The following PTPRN2 variants were observed in gnomAD, a reference collection of about 807,000 sequenced individuals.
PTPRN2 encodes the protein receptor-type tyrosine-protein phosphatase N2.
Under a neutral mutation model 118.8 loss-of-function variants are expected in PTPRN2, and 74 were observed. The observed-to-expected ratio is 0.62, with a 90% CI of 0.52 to 0.76. PTPRN2 has a LOEUF of 0.76. PTPRN2 is among the 30% of genes least tolerant of loss of function. The pLI is 0.00. For missense variants in PTPRN2, 1,481 were observed against 1,394.4 expected (o/e 1.06, Z -0.99); for synonymous variants, 641 against 608.0 (o/e 1.05, Z -0.80).
At chr7:158,070,784 CCG>C (rs1563387959) in intron 11 of PTPRN2, among the ~76,000 whole-genome samples, 12 of 53,662 alleles carry the variant, frequency 2.2e-4, no homozygotes, top group South Asian at 6.4e-4. Context: ...GTGGAGGTGC[CCG>C]TGGTGGTGGA....
intron 12 of PTPRN2, among the ~76,000 whole-genome samples, chr7:157,824,063 A>G (rs146690825): frequency 6.6e-6 from 1 of 152,128 alleles, no homozygotes; most frequent in Non-Finnish European, 1.5e-5. Flanking sequence ...ATCTCAAGTC[A>G]CCTTCGCTCT....
At chr7:158,380,142 C>T (rs1238662325) in intron 2 of PTPRN2, among the ~76,000 whole-genome samples, 3 of 152,132 alleles carry the variant, frequency 2.0e-5, no homozygotes, top group Non-Finnish European at 4.4e-5. Context: ...ATGCCCCTGG[C>T]CTCTCCCAAA....
chr7:158,570,402 G>A lies in PTPRN2; in HGVS notation c.112+17156C>T, dbSNP rs1827950354. 6.6e-6 allele frequency among the ~76,000 whole-genome samples: 1 copy of A among 152,160 alleles called. No homozygotes were observed. The highest frequency in any genetic ancestry group is 2.1e-4 in the South Asian group (1 of 4,828). ...TAAAGGCTGCGTCCAACCAGATGAGGACAGAACCGAGCGCCCTCCAGCACC... is the reference window on the plus strand; with the variant it reads ...TAAAGGCTGCGTCCAACCAGATGAGAACAGAACCGAGCGCCCTCCAGCACC... On this transcript the variant is annotated intron_variant, in intron 1 of 22. Coordinates refer to ENST00000389418, the MANE Select transcript of PTPRN2 (RefSeq NM_002847.5). This position sits in a 1 kb window ranked among gnomAD's most constrained non-coding sequence, Gnocchi z 4.5.
chr7:157,812,788 G>T (rs1481036796), intron 12 of PTPRN2, among the ~76,000 whole-genome samples: 1 of 152,160 alleles, frequency 6.6e-6, no homozygotes, highest in Non-Finnish European at 1.5e-5. Context: ...GGGTAGCTGG[G>T]CTTCACAGAA....
At chr7:158,297,128 G>A (rs1055430826) in intron 3 of PTPRN2, among the ~76,000 whole-genome samples, 9 of 152,194 alleles carry the variant, frequency 5.9e-5, no homozygotes, top group African/African-American at 1.4e-4. Context: ...ATCCAGTCCC[G>A]GAGGGACCAG....
At chr7:158,287,720 G>A (rs1416630471) in intron 3 of PTPRN2, among the ~76,000 whole-genome samples, 1 of 152,056 alleles carries the variant, frequency 6.6e-6, no homozygotes, top group African/African-American at 2.4e-5. Context: ...ATTTATTAAT[G>A]TGTTTTGTGG....
At chr7:158,328,776 A>G (rs1803866134) in intron 2 of PTPRN2, among the ~76,000 whole-genome samples, 1 of 140,548 alleles carries the variant, frequency 7.1e-6, no homozygotes, top group Admixed American at 7.2e-5. Context: ...GCAAGTCACT[A>G]GGAGCGGGGC....
In PTPRN2 at chr7:157,951,741, G is replaced by C. The variant is rs558278442; in HGVS notation, c.1724-53004C>G. On this transcript the variant is annotated intron_variant, in intron 11 of 22. Transcript: ENST00000389418. Reference sequence around the variant, plus strand: ...GTCCCTCCTGCCGGACTGCAACACCGTCTCAGGATCCACCTCCCACCATCT... The same window carrying C: ...GTCCCTCCTGCCGGACTGCAACACCCTCTCAGGATCCACCTCCCACCATCT... Among the ~76,000 whole-genome samples, 5 of 152,328 alleles carry C rather than the reference G, an allele frequency of 3.3e-5. No homozygotes were observed. In the South Asian group the frequency reaches 8.3e-4, roughly 25 times the overall value.
At chr7:157,668,751 C>CA (rs1796262421) in intron 13 of PTPRN2, among the ~76,000 whole-genome samples, 1 of 152,192 alleles carries the variant, frequency 6.6e-6, no homozygotes, top group South Asian at 2.1e-4. Flanking sequence ...GTCAGTTTGA[C>CA]ACTGAGGCTG....
chr7:158,329,213 C>T (rs987934210), intron 2 of PTPRN2, among the ~76,000 whole-genome samples: 4 of 152,142 alleles, frequency 2.6e-5, no homozygotes, highest in African/African-American at 7.2e-5. Context: ...GGAAGCGTGG[C>T]GGGTGGGAGG....
At position 157,954,508 on chromosome 7, in the gene PTPRN2, T is replaced by TGTG. The variant is rs1554499700; in HGVS notation, c.1724-55774_1724-55772dup. On this transcript the variant is annotated intron_variant, in intron 11 of 22. Transcript: ENST00000389418. ...GGTGGTGCCTGTGTACTGTGTGTGG[T>TGTG]GTGTGTGTGTGGTGCACGTGTGCTG... Among the ~76,000 whole-genome samples the TGTG allele has an allele frequency of 1.7e-4, 4 of 23,832 alleles. 1 individual carries two copies. Among genetic ancestry groups the TGTG allele is most frequent in the African/African-American group, 2.9e-4 (2 of 6,836 alleles). The allele number at this position is 23,832 out of a possible 152,430, so 15.6% of individuals were successfully genotyped here. A position where few individuals can be genotyped will look rare whatever the true frequency, so the allele number is the denominator to read the frequency against.
intron 21 of PTPRN2, among the ~76,000 whole-genome samples, chr7:157,553,533 G>A (rs190800434): frequency 6.6e-6 from 1 of 152,292 alleles, no homozygotes; most frequent in East Asian, 1.9e-4. Context: ...ATGACATCGT[G>A]GCTCCCTCTC....
intron 2 of PTPRN2, among the ~76,000 whole-genome samples, chr7:158,453,131 C>T (rs1432161897): frequency 7.4e-6 from 1 of 135,048 alleles, no homozygotes; most frequent in African/African-American, 2.8e-5. Context: ...TTGGCTAACA[C>T]AGCCTGGACA....
chr7:158,549,230 T>G (rs1826486614), intron 1 of PTPRN2, among the ~76,000 whole-genome samples: 1 of 152,172 alleles, frequency 6.6e-6, no homozygotes, highest in Non-Finnish European at 1.5e-5. Flanking sequence ...GAAACTGAAG[T>G]TGACATAAAA....
At chr7:158,542,124 C>A (rs1273633433) in intron 1 of PTPRN2, among the ~76,000 whole-genome samples, 1 of 152,136 alleles carries the variant, frequency 6.6e-6, no homozygotes, top group Non-Finnish European at 1.5e-5. Flanking sequence ...TTAATTCAAA[C>A]CAGCCCCTTC....
chr7:157,830,869 C>T (rs377281052), intron 12 of PTPRN2, among the ~76,000 whole-genome samples: 21 of 152,338 alleles, frequency 1.4e-4, no homozygotes, highest in East Asian at 1.3e-3. Context: ...TGGCCACATA[C>T]GAACGTGTGC....
chr7:158,371,399 G>A lies in PTPRN2; in HGVS notation c.164-54467C>T, dbSNP rs553247129. On this transcript the variant is annotated intron_variant, in intron 2 of 22. Transcript: ENST00000389418. ...TAACCTTCTATTTTTAAATACATGA[G>A]AATAAAATATATCCTTATGTTTTAT... Among the ~76,000 whole-genome samples, 326 of 150,806 alleles carry A rather than the reference G, an allele frequency of 2.2e-3. 1 individual carries two copies. Among genetic ancestry groups the A allele is most frequent in the African/African-American group, 7.4e-3 (304 of 41,098 alleles).
chr7:158,282,069 T>A (rs1799462944), intron 3 of PTPRN2, among the ~76,000 whole-genome samples: 1 of 152,134 alleles, frequency 6.6e-6, no homozygotes, highest in African/African-American at 2.4e-5. Flanking sequence ...GAAGGGACAG[T>A]CAGGCCTCAG....
At chr7:158,269,702 A>C (rs1208458052) in intron 3 of PTPRN2, among the ~76,000 whole-genome samples, 2 of 152,170 alleles carry the variant, frequency 1.3e-5, no homozygotes, top group Non-Finnish European at 2.9e-5. Context: ...CAGCAAAGTC[A>C]GCTGACGGCT....
Sources: gnomAD v4.1 joint callset for allele counts (sites outside exome capture counted in the v4.1 genomes callset) on GRCh38, gnomAD v4.1.1 for gene constraint, Gnocchi (gnomAD v3.1) non-coding constraint, MANE v1.5 for transcripts, NCBI Gene and HGNC (gene_info 2026-07-23, HGNC 2026-07-21) for gene names.